SMARCA5: variants seen among roughly 807,000 people sequenced by gnomAD.
SMARCA5 encodes the protein SNF2 related chromatin remodeling ATPase 5.
Under a neutral mutation model 140.4 loss-of-function variants are expected in SMARCA5, and 18 were observed. That is an observed-to-expected ratio of 0.13 (90% confidence interval 0.09 to 0.19). SMARCA5 has a LOEUF of 0.19. SMARCA5 is among the 10% of genes least tolerant of loss of function. SMARCA5 has a pLI of 1.00. For synonymous variants in SMARCA5, 449 were observed against 419.6 expected (o/e 1.07, Z -0.86); for missense variants, 606 against 1,276.8 (o/e 0.47, Z 8.01).
In SMARCA5 at chr4:143,519,791, G is replaced by A. The variant is rs189991338; in HGVS notation, c.253-1638G>A. On this transcript the variant is annotated intron_variant, in intron 2 of 23. Transcript: ENST00000283131. ...TAAGTTTATGGTTTTTATTTTCTTG[G>A]ACCTTGAGTATTTATTGCCTATCAG... Among the ~76,000 whole-genome samples, 424 of 152,076 alleles carry A rather than the reference G, an allele frequency of 2.8e-3. 4 individuals carry two copies. Among genetic ancestry groups the A allele is most frequent in the Non-Finnish European group, 2.7e-3 (181 of 67,960 alleles).
At chr4:143,546,167 C>A in intron 19 of SMARCA5, 120 bp downstream of exon 19, 1 of 673,482 alleles carries the variant, frequency 1.5e-6, no homozygotes, top group Non-Finnish European at 2.3e-6. Context: ...TAATTGGAGA[C>A]AATAAAGTAT....
At chr4:143,525,368 G>A (rs1271412253) in intron 4 of SMARCA5, 83 bp from the exon 5 acceptor site, 21 of 841,524 alleles carry the variant, frequency 2.5e-5, no homozygotes, top group Non-Finnish European at 4.1e-5. Context: ...AATAAAGTCA[G>A]TAGATATGTG....
intron 1 of SMARCA5, among the ~76,000 whole-genome samples, chr4:143,516,035 A>G (rs1736823390): frequency 6.6e-6 from 1 of 151,534 alleles, no homozygotes; most frequent in South Asian, 2.1e-4. Context: ...CAAAATTCAG[A>G]ATTACTGCAA....
intron 3 of SMARCA5, among the ~76,000 whole-genome samples, chr4:143,523,656 G>A (rs975900112): frequency 1.3e-5 from 2 of 152,114 alleles, no homozygotes; most frequent in African/African-American, 4.8e-5. Context: ...TTGGAAGGCC[G>A]CTTATCCTTT....
intron 9 of SMARCA5, among the ~76,000 whole-genome samples, chr4:143,533,498 CTTTTTTT>C (rs10580434): frequency 7.8e-6 from 1 of 127,548 alleles, no homozygotes; most frequent in African/African-American, 3.0e-5. Context: ...CTTGTCCATT[CTTTTTTT>C]TTTTTTTTTT....
intron 9 of SMARCA5, among the ~76,000 whole-genome samples, chr4:143,531,602 C>T (rs1241707072): frequency 6.6e-6 from 1 of 152,130 alleles, no homozygotes; most frequent in Non-Finnish European, 1.5e-5. Flanking sequence ...TAACATTCCT[C>T]CAGTTGTGAC....
At chr4:143,523,731 A>G (rs1037012587) in intron 3 of SMARCA5, among the ~76,000 whole-genome samples, 8 of 152,252 alleles carry the variant, frequency 5.3e-5, no homozygotes, top group African/African-American at 1.4e-4. Flanking sequence ...CAACAGAGGC[A>G]TAACGTGCCT....
chr4:143,526,173 TTATAAA>T, intron 5 of SMARCA5, 102 bp from the exon 6 acceptor site: 1 of 902,834 alleles, frequency 1.1e-6, no homozygotes, highest in South Asian at 1.5e-5. Context: ...TTATTAACTG[TTATAAA>T]TATGTAGCAT....
At chr4:143,529,747 G>GT (rs542422011) in intron 8 of SMARCA5, among the ~76,000 whole-genome samples, 6 of 151,600 alleles carry the variant, frequency 4.0e-5, no homozygotes, top group Admixed American at 1.3e-4. Context: ...AATTAATTTT[G>GT]TTTTTTTTCT....
At chr4:143,525,729 C>T (rs910321101) in intron 5 of SMARCA5, among the ~76,000 whole-genome samples, 178 bp downstream of exon 5, 7 of 152,066 alleles carry the variant, frequency 4.6e-5, no homozygotes, top group Non-Finnish European at 1.0e-4. Flanking sequence ...AAATTTCCAT[C>T]GCTGAAAATA....
At chr4:143,524,651 G>C (rs532629040) in intron 4 of SMARCA5, among the ~76,000 whole-genome samples, 184 bp downstream of exon 4, 1 of 152,160 alleles carries the variant, frequency 6.6e-6, no homozygotes, top group Admixed American at 6.5e-5. Context: ...TAGTAGTGCT[G>C]TATTTCAAAG....
At chr4:143,538,547 A>G in intron 11 of SMARCA5, 43 bp from the exon 12 acceptor site, 4 of 1,570,120 alleles carry the variant, frequency 2.5e-6, no homozygotes, top group Non-Finnish European at 3.5e-6. Context: ...AAATTTTTCT[A>G]CTTTTGAAGC....
At chr4:143,547,874 A>G (rs1198606691) in intron 21 of SMARCA5, 54 bp from the exon 22 acceptor site, 2 of 1,088,974 alleles carry the variant, frequency 1.8e-6, no homozygotes, top group Non-Finnish European at 2.6e-6. Context: ...TGAGTTTGAA[A>G]TACAGATTAT....
chr4:143,550,224 A>AAT (rs1737615813), intron 23 of SMARCA5, 120 bp downstream of exon 23: 63 of 271,874 alleles, frequency 2.3e-4, no homozygotes, highest in Middle Eastern at 9.5e-4. Context: ...CATTGCCTTT[A>AAT]CTTTTTTTTT....
At chr4:143,530,896 C>T (rs748155895) in intron 9 of SMARCA5, among the ~76,000 whole-genome samples, 91 of 152,176 alleles carry the variant, frequency 6.0e-4, no homozygotes, top group Non-Finnish European at 9.0e-4. Flanking sequence ...CTCACTGAAA[C>T]CTCTGCCTCC....
At position 143,546,935 on chromosome 4, in the gene SMARCA5, G is replaced by A. The variant is rs1232731431; in HGVS notation, c.2653+27G>A. 4 of 1,607,766 alleles carry A rather than the reference G, an allele frequency of 2.5e-6. No homozygotes were observed. The Admixed American group carries it at 6.7e-5, about 27-fold the overall frequency. On this transcript the variant is annotated intron_variant, in intron 20 of 23. Coordinates refer to ENST00000283131, the MANE Select transcript of SMARCA5 (RefSeq NM_003601.4). The stretch of plus-strand genomic sequence containing the variant: ...TAATTCTTTTAAGCAGGCTGTTGGA[G>A]TTTAGTAAGAGCTGTTGGAAGGTTC...
intron 3 of SMARCA5, among the ~76,000 whole-genome samples, chr4:143,523,296 G>C (rs1425748901): frequency 6.6e-6 from 1 of 151,606 alleles, no homozygotes; most frequent in Non-Finnish European, 1.5e-5. Flanking sequence ...TAAAGTGTTG[G>C]GATTACAGGC....
intron 1 of SMARCA5, among the ~76,000 whole-genome samples, chr4:143,515,651 G>T (rs536782659): frequency 6.6e-6 from 1 of 152,144 alleles, no homozygotes; most frequent in Admixed American, 6.5e-5. Context: ...TTGACTTGAA[G>T]TTGCTATTTT....
chr4:143,527,130 G>T (rs1045894874), intron 6 of SMARCA5, among the ~76,000 whole-genome samples: 4 of 152,144 alleles, frequency 2.6e-5, no homozygotes, highest in African/African-American at 9.7e-5. Context: ...GTAATTTGGT[G>T]ATTTATTATG....
Sources: gnomAD v4.1 joint callset for allele counts (sites outside exome capture counted in the v4.1 genomes callset) on GRCh38, gnomAD v4.1.1 for gene constraint, MANE v1.5 for transcripts, NCBI Gene and HGNC (gene_info 2026-07-23, HGNC 2026-07-21) for gene names.